Variants in MANBA observed in about 807,000 individuals in gnomAD.
The protein encoded by MANBA is mannosidase beta.
Under a neutral mutation model 111.1 loss-of-function variants are expected in MANBA, and 83 were observed. The ratio of observed to expected loss-of-function variants is 0.75; its 90% CI spans 0.63 to 0.90. MANBA has a LOEUF of 0.90. Ranked by LOEUF, MANBA falls within the 40% of genes least tolerant of loss-of-function variation. The pLI, the probability that MANBA is intolerant of heterozygous loss-of-function variation, is 0.00. For missense variants in MANBA, 1,036 were observed against 1,069.0 expected (o/e 0.97, Z 0.43); for synonymous variants, 370 against 378.7 (o/e 0.98, Z 0.27).
At chr4:102,647,508 A>G (rs1730153963) in intron 13 of MANBA, among the ~76,000 whole-genome samples, 1 of 151,860 alleles carries the variant, frequency 6.6e-6, no homozygotes, top group African/African-American at 2.4e-5. Context: ...AGAGTAATAA[A>G]CAGCTGGAAG....
chr4:102,696,787 A>G (rs1732729642), intron 5 of MANBA, among the ~76,000 whole-genome samples: 2 of 152,162 alleles, frequency 1.3e-5, no homozygotes, highest in Non-Finnish European at 2.9e-5. Flanking sequence ...AGAGTATGAA[A>G]AGCTGCAGGG....
At chr4:102,657,107 TAAG>T (rs1209113020) in intron 12 of MANBA, among the ~76,000 whole-genome samples, 2 of 151,924 alleles carry the variant, frequency 1.3e-5, no homozygotes, top group East Asian at 1.9e-4. Context: ...AAAGCTATTT[TAAG>T]AAGAACACAC....
chr4:102,701,960 A>G (rs1389350817), intron 5 of MANBA, among the ~76,000 whole-genome samples: 1 of 152,016 alleles, frequency 6.6e-6, no homozygotes, highest in East Asian at 1.9e-4. Context: ...AGTGTTTTCC[A>G]ACTTGGTTCC....
chr4:102,726,822 G>A, intron 1 of MANBA, 139 bp from the exon 2 acceptor site: 1 of 628,500 alleles, frequency 1.6e-6, no homozygotes. Flanking sequence ...AGTACAAAGA[G>A]GGGACAGATC....
intron 7 of MANBA, among the ~76,000 whole-genome samples, chr4:102,681,743 A>C (rs1052003186): frequency 6.6e-6 from 1 of 152,230 alleles, no homozygotes; most frequent in East Asian, 1.9e-4. Context: ...GAATGGAAGC[A>C]CAAACTGTGT....
Position 102,722,211 on chromosome 4 carries a change from A to G in MANBA, c.549+660T>C, listed in dbSNP as rs75698933. Among the ~76,000 whole-genome samples, 1,352 of 152,216 alleles carry G rather than the reference A, an allele frequency of 8.9e-3. 27 individuals are homozygous for G. The highest frequency in any genetic ancestry group is 0.031 in the African/African-American group (1,285 of 41,532). ...AAAGCTCTGTGGTTACTTAATGTAA[A>G]TATACTTAACACTACTAAACTGTAC... On this transcript the variant is annotated intron_variant, in intron 4 of 16. Coordinates refer to ENST00000647097, the MANE Select transcript of MANBA (RefSeq NM_005908.4).
At chr4:102,714,007 G>A (rs3864223) in intron 5 of MANBA, among the ~76,000 whole-genome samples, 1 of 152,024 alleles carries the variant, frequency 6.6e-6, no homozygotes, top group African/African-American at 2.4e-5. Flanking sequence ...CTTGTGTCAG[G>A]GCCCTCAGAG....
chr4:102,631,539 G>A lies in MANBA; in HGVS notation c.*518C>T. 1 of 397,040 alleles carries A rather than the reference G, an allele frequency of 2.5e-6. No individual in the cohort carries two copies. 24.6% of individuals were successfully genotyped at this position (397,040 alleles called of 1,614,324 possible). ...CTTTTATTTTTATATAATTTCACAT[G>A]TACAGAAAAATACCCATATACCTTT... On this transcript the variant is annotated 3_prime_UTR_variant, in exon 17 of 17. Coordinates refer to ENST00000647097, the MANE Select transcript of MANBA (RefSeq NM_005908.4).
chr4:102,714,921 TTTA>T (rs1297111576), intron 4 of MANBA, among the ~76,000 whole-genome samples: 1 of 152,208 alleles, frequency 6.6e-6, no homozygotes, highest in African/African-American at 2.4e-5. Context: ...ACTGCCTCAT[TTTA>T]TCTTAATCAC....
chr4:102,723,933 C>A lies in MANBA; in HGVS notation c.307G>T (p.Val103Leu). ...AACAGGATTTTTGAAACCGTATCCACTCCCTCAAGAATCAAATTTACTTTT... is the reference window on the plus strand; with the variant it reads ...AACAGGATTTTTGAAACCGTATCCAATCCCTCAAGAATCAAATTTACTTTT... ...WQKVNLILEGVDTVSKILFNE... is the reference protein window; with the variant it reads ...WQKVNLILEGLDTVSKILFNE... The change falls in exon 3 of 17, where the codon GTG becomes TTG. Residue 103 changes from valine (V) to leucine (L), a missense_variant. Val to Leu is a conservative substitution (Grantham distance 32). Transcript: ENST00000647097. 6.2e-7 allele frequency: 1 copy of A among 1,610,900 alleles called. No individual in the cohort carries two copies. Among genetic ancestry groups the A allele is most frequent in the Non-Finnish European group, 8.5e-7 (1 of 1,177,788 alleles).
At chr4:102,642,423 C>T (rs1272360900) in intron 13 of MANBA, among the ~76,000 whole-genome samples, 4 of 152,052 alleles carry the variant, frequency 2.6e-5, no homozygotes, top group African/African-American at 7.2e-5. Context: ...CTGGCTAACA[C>T]GGTGAAACCC....
At chr4:102,640,546 G>A (rs773565531) in intron 13 of MANBA, among the ~76,000 whole-genome samples, 5 of 152,046 alleles carry the variant, frequency 3.3e-5, no homozygotes, top group Admixed American at 1.3e-4. Flanking sequence ...CTCTTTTATC[G>A]CTGCCGTTAC....
rs72937843 is a variant in MANBA at position 102,744,138 on chromosome 4, C to T, written c.177+16580G>A. Among the ~76,000 whole-genome samples the T allele has an allele frequency of 8.5e-3, 1,290 of 152,274 alleles. 24 individuals are homozygous for T. Among genetic ancestry groups the T allele is most frequent in the African/African-American group, 0.029 (1,221 of 41,542 alleles). Reference sequence around the variant, plus strand: ...ACACAACCAAATGTGGAATGTGTTGCCTCCAAAATCCAAATAGGCCCACAG... The same window carrying T: ...ACACAACCAAATGTGGAATGTGTTGTCTCCAAAATCCAAATAGGCCCACAG... On this transcript the variant is annotated intron_variant, in intron 1 of 16. Coordinates refer to ENST00000647097, the MANE Select transcript of MANBA (RefSeq NM_005908.4).
intron 14 of MANBA, among the ~76,000 whole-genome samples, chr4:102,637,019 T>C (rs898050022): frequency 2.6e-5 from 4 of 152,174 alleles, no homozygotes; most frequent in African/African-American, 9.7e-5. Flanking sequence ...GATCGTTTTA[T>C]AAAGAAGGAG....
At chr4:102,675,565 C>A (rs1222914109) in intron 7 of MANBA, among the ~76,000 whole-genome samples, 1 of 152,184 alleles carries the variant, frequency 6.6e-6, no homozygotes, top group Non-Finnish European at 1.5e-5. Flanking sequence ...GCAACCTACA[C>A]AGGAGCACAA....
At chr4:102,641,976 G>T (rs1729897333) in intron 13 of MANBA, among the ~76,000 whole-genome samples, 1 of 151,702 alleles carries the variant, frequency 6.6e-6, no homozygotes, top group South Asian at 2.1e-4. Context: ...CTGGCACAGT[G>T]CAGTACACTC....
At chr4:102,652,751 C>A (rs1053637985) in intron 12 of MANBA, among the ~76,000 whole-genome samples, 3 of 151,988 alleles carry the variant, frequency 2.0e-5, no homozygotes, top group African/African-American at 7.3e-5. Flanking sequence ...AAAAATCAGC[C>A]TGGTGTGGTG....
chr4:102,676,979 C>T (rs1731756368), intron 7 of MANBA, among the ~76,000 whole-genome samples: 1 of 152,144 alleles, frequency 6.6e-6, no homozygotes, highest in Non-Finnish European at 1.5e-5. Context: ...ACATTAATTT[C>T]ATTAAATCCC....
intron 15 of MANBA, 24 bp from the exon 16 acceptor site, chr4:102,635,069 A>C (rs565455716): frequency 6.2e-7 from 1 of 1,613,136 alleles, no homozygotes; most frequent in African/African-American, 1.3e-5. Context: ...AAACAGAATA[A>C]AAACAGGCAT....
Sources: gnomAD v4.1 joint callset for allele counts (sites outside exome capture counted in the v4.1 genomes callset) on GRCh38, gnomAD v4.1.1 for gene constraint, MANE v1.5 for transcripts, NCBI Gene and HGNC (gene_info 2026-07-23, HGNC 2026-07-21) for gene names.